LYPD4: variants seen among roughly 807,000 people sequenced by gnomAD.
LYPD4 encodes ly6/PLAUR domain-containing protein 4.
Under a neutral mutation model 18.2 loss-of-function variants are expected in LYPD4, and 20 were observed. The observed-to-expected ratio is 1.10, with a 90% CI of 0.77 to 1.59. LYPD4 has a LOEUF of 1.59. Ranked by LOEUF, LYPD4 falls within the 40% of genes most tolerant of loss-of-function variation. LYPD4 has a pLI of 0.00. For missense variants in LYPD4, 278 were observed against 300.3 expected, an observed-to-expected ratio of 0.93 and a Z score of 0.55; for synonymous variants, 111 against 118.3, an observed-to-expected ratio of 0.94 and a Z score of 0.40.
chr19:41,837,675 C>T (rs2073411100), intron 4 of LYPD4, among the ~76,000 whole-genome samples: 1 of 150,292 alleles, frequency 6.7e-6, no homozygotes, highest in African/African-American at 2.5e-5. Context: ...GCCTGGGCAA[C>T]AGAGCAAGAC....
downstream of LYPD4, among the ~76,000 whole-genome samples, chr19:41,836,623 C>T (rs1441711870): frequency 6.6e-6 from 1 of 151,980 alleles, no homozygotes; most frequent in Admixed American, 6.6e-5. Context: ...TGGTCAAACA[C>T]AGTCGCTCCC....
chr19:41,844,800 G>A (rs1256899140), upstream of LYPD4: 4 of 152,482 alleles, frequency 2.6e-5, no homozygotes, highest in African/African-American at 9.6e-5. Flanking sequence ...AAGACAGTCT[G>A]GGCGGGCAGG....
chr19:41,839,087 C>A (rs2073486019), intron 2 of LYPD4, 63 bp from the exon 3 acceptor site: 2 of 1,608,758 alleles, frequency 1.2e-6, no homozygotes, highest in Admixed American at 1.7e-5. Flanking sequence ...CCGTTAACTG[C>A]CAACCAAGAG....
chr19:41,843,078 C>CAAAAAAAAAAAA (rs2073693023), intron 1 of LYPD4, among the ~76,000 whole-genome samples: 1 of 9,110 alleles, frequency 1.1e-4, no homozygotes, highest in Non-Finnish European at 2.0e-4. Context: ...AAAAAAAAAA[C>CAAAAAAAAAAAA]CCCAACAACA....
At chr19:41,837,463 A>G in intron 4 of LYPD4, 118 bp from the exon 5 acceptor site, 1 of 1,094,672 alleles carries the variant, frequency 9.1e-7, no homozygotes, top group Non-Finnish European at 1.3e-6. Context: ...AGGCAGGTGG[A>G]TCACTTGAGG....
intron 1 of LYPD4, among the ~76,000 whole-genome samples, chr19:41,841,688 T>C (rs1211146376): frequency 2.3e-5 from 3 of 129,396 alleles, no homozygotes; most frequent in African/African-American, 5.7e-5. Flanking sequence ...AAAAAAAAAG[T>C]GAAGAAATGC....
In LYPD4 at chr19:41,844,635, C is replaced by A. The variant is rs374306368; in HGVS notation, c.-1178G>T. 7.2e-5 allele frequency: 11 copies of A among 152,470 alleles called. No homozygotes were observed. The highest frequency in any genetic ancestry group is 2.6e-4 in the African/African-American group (11 of 41,584). 9.4% of individuals were successfully genotyped at this position (152,470 alleles called of 1,614,324 possible). ...CCACGCGCGAAGTCGAGGTACAAGG[C>A]AAGGGAAGGCCAGAAACGAGGCAAC... is the stretch of plus-strand genomic sequence containing the variant. On this transcript the variant is annotated 5_prime_UTR_variant, in exon 1 of 5. Transcript: ENST00000609812.
At position 41,837,829 on chromosome 19, in the gene LYPD4, C is replaced by A. The variant is rs77330537; in HGVS notation, c.538+106G>T. ...AATTCATGTGCCCTGTCCCTTGCAA[C>A]CCCAATCCCATCTCTGGATCCCACC... On this transcript the variant is annotated intron_variant, in intron 4 of 4. Transcript: ENST00000609812. 1,575 of 1,247,246 alleles carry A rather than the reference C, an allele frequency of 1.3e-3. 17 individuals carry two copies. The African/African-American group carries it at 0.021, about 17-fold the overall frequency. The allele number at this position is 1,247,246 out of a possible 1,614,324, so 77.3% of individuals were successfully genotyped here.
At chr19:41,835,411 G>A (rs2073361455), downstream of LYPD4, 1 of 152,224 alleles carries the variant, frequency 6.6e-6, no homozygotes, top group Non-Finnish European at 1.5e-5. Context: ...CCTTTGACTT[G>A]TTAATTCCCT....
At chr19:41,836,090 TCACACA>T (rs55892959), downstream of LYPD4, 1 of 147,236 alleles carries the variant, frequency 6.8e-6, no homozygotes, top group Non-Finnish European at 1.5e-5. Flanking sequence ...AAACTCTGTC[TCACACA>T]CACACACACA....
chr19:41,844,781 G>T (rs1028119500), upstream of LYPD4: 9 of 152,322 alleles, frequency 5.9e-5, no homozygotes, highest in African/African-American at 1.9e-4. Flanking sequence ...CACCTGCCTC[G>T]AAAGGGGGAA....
At chr19:41,837,002 C>T (rs2073386232), downstream of LYPD4, 3 of 1,454,344 alleles carry the variant, frequency 2.1e-6, no homozygotes, top group South Asian at 1.4e-5. Flanking sequence ...TGGGTCCCCA[C>T]CTCCCTGGAC....
At chr19:41,838,555 C>A (rs768544056) in intron 3 of LYPD4, among the ~76,000 whole-genome samples, 1 of 152,080 alleles carries the variant, frequency 6.6e-6, no homozygotes, top group Non-Finnish European at 1.5e-5. Context: ...CACAACACAA[C>A]CAGTGGGGCC....
At position 41,844,574 on chromosome 19, in the gene LYPD4, A is replaced by T. The variant is rs1449337348; in HGVS notation, c.-1117T>A. 1 of 152,358 alleles carries T rather than the reference A, an allele frequency of 6.6e-6. No individual in the cohort carries two copies. Among genetic ancestry groups the T allele is most frequent in the Admixed American group, 6.5e-5 (1 of 15,284 alleles). 9.4% of individuals were successfully genotyped at this position (152,358 alleles called of 1,614,324 possible). On this transcript the variant is annotated 5_prime_UTR_variant, in exon 1 of 5. Coordinates refer to ENST00000609812, the MANE Select transcript of LYPD4 (RefSeq NM_173506.7). ...AGTTGTGGGGCACCGGAAGAGACAT[A>T]ACAGAAAACGCAGGCCTCCACTCAG...
rs1434518158 is a variant in LYPD4 at position 41,844,436 on chromosome 19, C to G, written c.-979G>C. The G allele has an allele frequency of 6.6e-6, 1 of 152,342 alleles. No homozygotes were observed. Among genetic ancestry groups the G allele is most frequent in the Non-Finnish European group, 1.5e-5 (1 of 68,188 alleles). 9.4% of individuals were successfully genotyped at this position (152,342 alleles called of 1,614,324 possible). A position where few individuals can be genotyped will look rare whatever the true frequency, so the allele number is the denominator to read the frequency against. On this transcript the variant is annotated 5_prime_UTR_variant, in exon 1 of 5. Coordinates refer to ENST00000609812, the MANE Select transcript of LYPD4 (RefSeq NM_173506.7). ...GAGATTAGGAAAATCACAACCGACACAAAGACAAGAAGAGACACAAGGAAA... is the reference window on the plus strand; with the variant it reads ...GAGATTAGGAAAATCACAACCGACAGAAAGACAAGAAGAGACACAAGGAAA...
In LYPD4 at chr19:41,843,692, C is replaced by G. The variant is rs1179343585; in HGVS notation, c.-235G>C. On this transcript the variant is annotated 5_prime_UTR_variant, in exon 1 of 5. Transcript: ENST00000609812. ...CACACATGCTCTGTAACCCAGAAATCTGTGGCCAAGAAAGGTGCCAAGACC... is the reference window on the plus strand; with the variant it reads ...CACACATGCTCTGTAACCCAGAAATGTGTGGCCAAGAAAGGTGCCAAGACC... The G allele has an allele frequency of 1.3e-5, 2 of 151,998 alleles. No individual in the cohort carries two copies. Among genetic ancestry groups the G allele is most frequent in the Non-Finnish European group, 2.9e-5 (2 of 68,066 alleles). The allele number at this position is 151,998 out of a possible 1,614,324, so 9.4% of individuals were successfully genotyped here.
In LYPD4 at chr19:41,844,553, G is replaced by C. The variant is rs1313901064; in HGVS notation, c.-1096C>G. On this transcript the variant is annotated 5_prime_UTR_variant, in exon 1 of 5. Transcript: ENST00000609812. The stretch of plus-strand genomic sequence containing the variant: ...ATAAAAGAAGGGTAGCTCAGGAGTT[G>C]TGGGGCACCGGAAGAGACATAACAG... 6.6e-6 allele frequency: 1 copy of C among 152,298 alleles called. No individual in the cohort carries two copies. The highest frequency in any genetic ancestry group is 1.5e-5 in the Non-Finnish European group (1 of 68,098). 9.4% of individuals were successfully genotyped at this position (152,298 alleles called of 1,614,324 possible).
rs541372502 is a variant in LYPD4, at chr19:41,841,941, G to T, written c.-121+1637C>A. ...CTCAGGCCCAAAGCAGCATTGCAGGGGTCTGACACTACATGGTCAAATTGG... is the reference window on the plus strand; with the variant it reads ...CTCAGGCCCAAAGCAGCATTGCAGGTGTCTGACACTACATGGTCAAATTGG... On this transcript the variant is annotated intron_variant, in intron 1 of 4. Transcript: ENST00000609812. Among the ~76,000 whole-genome samples, 3 of 152,196 alleles carry T rather than the reference G, an allele frequency of 2.0e-5. No individual in the cohort carries two copies. In the East Asian group the frequency reaches 5.8e-4, roughly 29 times the overall value.
At position 41,838,175 on chromosome 19, in the gene LYPD4, C is replaced by T. The variant is rs550628417; in HGVS notation, c.298G>A (p.Gly100Arg). ...AQISYLVSPP[G>R]VSIASYSRVC... ...CGACTGTAGGAGGCAATGGACACTC[C>T]GGGTGGGGAAACAAGGTAGGAGATT... The change falls in exon 4 of 5, where the codon GGA becomes AGA. Residue 100 changes from glycine to arginine, a missense_variant. Physicochemically the swap from Gly to Arg is moderately radical, Grantham distance 125. Transcript: ENST00000609812. 4.7e-5 allele frequency: 75 copies of T among 1,600,024 alleles called. No individual in the cohort carries two copies. Among genetic ancestry groups the T allele is most frequent in the Non-Finnish European group, 6.1e-5 (72 of 1,171,466 alleles).
Sources: allele counts gnomAD v4.1 joint callset (sites outside exome capture counted in the v4.1 genomes callset), GRCh38; gene constraint gnomAD v4.1.1; transcripts MANE v1.5; gene names NCBI Gene and HGNC (gene_info 2026-07-23, HGNC 2026-07-21).